The following CHD6 variants were observed in gnomAD, a reference collection of about 807,000 sequenced individuals.
The protein encoded by CHD6 is ATP-dependent chromatin remodeler CHD6.
Under a neutral mutation model 276.9 loss-of-function variants are expected in CHD6, and 50 were observed. That is an observed-to-expected ratio of 0.18 (90% CI 0.14 to 0.23). The LOEUF is 0.23. CHD6 is among the 10% of genes least tolerant of loss of function. The pLI is 1.00. For missense variants in CHD6, 2,564 were observed against 3,365.8 expected (o/e 0.76, Z 5.89); for synonymous variants, 1,173 against 1,229.3 (o/e 0.95, Z 0.96).
At chr20:41,575,210 AC>A (rs1166465004) in intron 1 of CHD6, among the ~76,000 whole-genome samples, 1 of 152,086 alleles carries the variant, frequency 6.6e-6, no homozygotes, top group Non-Finnish European at 1.5e-5. Context: ...GCCTGCTTCC[AC>A]CCTGTGGAGT....
Position 41,491,700 on chromosome 20 carries a change from G to C in CHD6, c.1434C>G (p.Asn478Lys). ...GMNWLLFNWY[N>K]RKNCILADEM... is the part of the protein sequence containing the mutation. ...CTGGGCTGGTTTTGGTTCCTTACCT[G>C]TTATACCAGTTAAAAAGAAGCCAGT... The change falls in exon 11 of 37, where the codon AAC (asparagine) becomes AAG (lysine). Residue 478 changes from asparagine to lysine, a missense_variant and splice_region_variant. Around this residue, in one of 7 missense-constraint regions of CHD6, gnomAD observed 457 missense variants for 889.0 expected, o/e 0.51. Transcript: ENST00000373233. The C allele has an allele frequency of 6.2e-7, 1 of 1,613,670 alleles. No individual in the cohort carries two copies. The highest frequency in any genetic ancestry group is 8.5e-7 in the Non-Finnish European group (1 of 1,179,744).
At chr20:41,406,616 GCAATTA>G (rs1267566923) in intron 36 of CHD6, among the ~76,000 whole-genome samples, 1 of 152,212 alleles carries the variant, frequency 6.6e-6, no homozygotes, top group Non-Finnish European at 1.5e-5. Context: ...ACAAACCACT[GCAATTA>G]CGATGGATCT....
intron 25 of CHD6, 95 bp from the exon 26 acceptor site, chr20:41,440,224 A>G: frequency 9.3e-7 from 1 of 1,069,864 alleles, no homozygotes; most frequent in South Asian, 1.5e-5. Flanking sequence ...TTTAGTAAAG[A>G]ACAAAACAAA....
intron 3 of CHD6, among the ~76,000 whole-genome samples, chr20:41,521,465 A>ATGT (rs2044393850): frequency 6.6e-6 from 1 of 152,234 alleles, no homozygotes; most frequent in Non-Finnish European, 1.5e-5. Context: ...ATGAATCTCA[A>ATGT]CTGCAGGCAT....
intron 1 of CHD6, among the ~76,000 whole-genome samples, chr20:41,615,397 C>A (rs2045925647): frequency 6.6e-6 from 1 of 151,368 alleles, no homozygotes; most frequent in Non-Finnish European, 1.5e-5. Flanking sequence ...TCAGCTCTGG[C>A]TATCATTTTA....
At chr20:41,461,975 T>A (rs2048563768) in intron 17 of CHD6, 1 of 152,286 alleles carries the variant, frequency 6.6e-6, no homozygotes, top group African/African-American at 2.4e-5. Context: ...CTTGCCAGGC[T>A]GCAGGGCAAG....
intron 2 of CHD6, among the ~76,000 whole-genome samples, chr20:41,538,831 G>A (rs2044885526): frequency 6.6e-6 from 1 of 152,124 alleles, no homozygotes; most frequent in South Asian, 2.1e-4. Context: ...TACCAGAAGT[G>A]GAGCTTGTTC....
At chr20:41,439,529 G>A (rs1042537974) in intron 26 of CHD6, among the ~76,000 whole-genome samples, 2 of 152,130 alleles carry the variant, frequency 1.3e-5, no homozygotes, top group African/African-American at 4.8e-5. Flanking sequence ...GAAATGTCAT[G>A]GCCGTCAAGG....
rs137978798 is a variant in CHD6, at chr20:41,574,129, G to C, written c.-23-22769C>G. On this transcript the variant is annotated intron_variant, in intron 1 of 36. Transcript: ENST00000373233. ...ACTACACTGAAAAGGGAAAGAGGAA[G>C]AGGGAAGGGAAGTGGGGGTGGGGGA... Among the ~76,000 whole-genome samples, 285 of 149,584 alleles carry C rather than the reference G, an allele frequency of 1.9e-3. 5 individuals carry two copies. The East Asian group carries it at 0.051, about 27-fold the overall frequency.
intron 27 of CHD6, among the ~76,000 whole-genome samples, chr20:41,433,733 C>T (rs999174753): frequency 6.6e-6 from 1 of 152,082 alleles, no homozygotes; most frequent in African/African-American, 2.4e-5. Flanking sequence ...CTTGAGTTTT[C>T]TAAGTGATGT....
In CHD6 at chr20:41,416,800, A is replaced by T. The variant is rs1039127049; in HGVS notation, c.6280-6T>A. On this transcript the variant is annotated splice_polypyrimidine_tract_variant and splice_region_variant and intron_variant, in intron 32 of 36. Coordinates refer to ENST00000373233, the MANE Select transcript of CHD6 (RefSeq NM_032221.5). Reference sequence around the variant, plus strand: ...CGGTTAATTATCACGCGGTCCTAGAAAAAAGGATAAAGCTCTGATGAATAA... The same window carrying T: ...CGGTTAATTATCACGCGGTCCTAGATAAAAGGATAAAGCTCTGATGAATAA... 11 of 1,537,220 alleles carry T rather than the reference A, an allele frequency of 7.2e-6. No individual in the cohort carries two copies. Among genetic ancestry groups the T allele is most frequent in the Non-Finnish European group, 8.8e-6 (10 of 1,138,264 alleles).
intron 25 of CHD6, among the ~76,000 whole-genome samples, chr20:41,441,978 T>C (rs1442006900): frequency 6.6e-6 from 1 of 152,250 alleles, no homozygotes; most frequent in African/African-American, 2.4e-5. Context: ...TCAACTGAGC[T>C]GTCAAGAGCA....
chr20:41,465,743 A>G (rs993302641), intron 17 of CHD6, among the ~76,000 whole-genome samples: 2 of 152,216 alleles, frequency 1.3e-5, no homozygotes, highest in African/African-American at 4.8e-5. Flanking sequence ...GGAATTCTAC[A>G]TAATTTTTGC....
chr20:41,407,701 G>A (rs2046719769), intron 36 of CHD6, among the ~76,000 whole-genome samples: 1 of 152,208 alleles, frequency 6.6e-6, no homozygotes, highest in African/African-American at 2.4e-5. Flanking sequence ...CGTGTGTGGT[G>A]GGCCCCAAAT....
At position 41,533,474 on chromosome 20, in the gene CHD6, G is replaced by T. The variant is rs1432683920; in HGVS notation, c.130C>A (p.Gln44Lys). The T allele has an allele frequency of 6.2e-7, 1 of 1,614,076 alleles. No homozygotes were observed. The highest frequency in any genetic ancestry group is 8.5e-7 in the Non-Finnish European group (1 of 1,179,972). The change falls in exon 3 of 37, where the codon CAA (glutamine) becomes AAA (lysine). Residue 44 changes from glutamine (Q) to lysine (K), a missense_variant. Around this residue, in one of 7 missense-constraint regions of CHD6, gnomAD observed 286 missense variants for 297.8 expected, o/e 0.96. Coordinates refer to ENST00000373233, the MANE Select transcript of CHD6 (RefSeq NM_032221.5). ...SPSPFDCSTDQEEKIEDVASH... is the reference protein window; with the variant it reads ...SPSPFDCSTDKEEKIEDVASH... ...GCAACATCTTCAATTTTCTCTTCTT[G>T]ATCAGTGCTGCAGTCAAATGGGGAT... is the stretch of plus-strand genomic sequence containing the variant.
chr20:41,508,207 C>T (rs191552137), intron 5 of CHD6, among the ~76,000 whole-genome samples: 1 of 152,104 alleles, frequency 6.6e-6, no homozygotes, highest in Non-Finnish European at 1.5e-5. Context: ...AAAGAACAAT[C>T]ATATAGGATG....
Position 41,498,164 on chromosome 20 carries a change from G to T in CHD6, c.974+4C>A. ...AATACAGAGAATACTTTAAATAGAC[G>T]TACAAATTTCTATACTTAACGTAGA... On this transcript the variant is annotated splice_donor_region_variant and intron_variant, in intron 7 of 36. Coordinates refer to ENST00000373233, the MANE Select transcript of CHD6 (RefSeq NM_032221.5). The T allele has an allele frequency of 6.3e-7, 1 of 1,599,770 alleles. No homozygotes were observed. Among genetic ancestry groups the T allele is most frequent in the Non-Finnish European group, 8.5e-7 (1 of 1,170,420 alleles).
chr20:41,535,479 A>C (rs1350175342), intron 2 of CHD6, among the ~76,000 whole-genome samples: 3 of 152,194 alleles, frequency 2.0e-5, no homozygotes, highest in Non-Finnish European at 4.4e-5. Context: ...CAAAGCTCAC[A>C]CCCAATTCAT....
chr20:41,613,004 C>T (rs2146310648), intron 1 of CHD6, among the ~76,000 whole-genome samples: 1 of 152,220 alleles, frequency 6.6e-6, no homozygotes, highest in Middle Eastern at 3.4e-3. Flanking sequence ...TGGCAATTTG[C>T]TTGACTTATT....
Sources: gnomAD v4.1 joint callset for allele counts (sites outside exome capture counted in the v4.1 genomes callset) on GRCh38, gnomAD v4.1.1 for gene constraint, gnomAD v4.1.1 regional missense constraint, MANE v1.5 for transcripts, NCBI Gene and HGNC (gene_info 2026-07-23, HGNC 2026-07-21) for gene names.